The following HUNK variants were observed in gnomAD, a reference collection of about 807,000 sequenced individuals.
The protein encoded by HUNK is hormonally up-regulated Neu-associated kinase, also known as hormonally up-regulated neu tumor-associated kinase.
HUNK carries 21 observed loss-of-function variants against 61.0 expected under a neutral mutation model. The observed-to-expected ratio is 0.34, with a 90% CI of 0.24 to 0.50. The LOEUF is 0.50. Among genes scored for constraint, HUNK ranks in the 20% least tolerant of loss-of-function variants. HUNK has a pLI of 0.98. For synonymous variants in HUNK, 371 were observed against 386.1 expected (o/e 0.96, Z 0.46); for missense variants, 772 against 945.7 (o/e 0.82, Z 2.41).
Position 31,999,208 on chromosome 21 carries a change from ATC to A in HUNK, c.*28_*29del. On this transcript the variant is annotated 3_prime_UTR_variant, in exon 11 of 11. Transcript: ENST00000270112. ...AACTTGGGCCAGCGGGGTTTGGGGT[ATC>A]TCTAGAAAACAGCAACTGAACAGAG... The A allele has an allele frequency of 2.5e-6, 4 of 1,569,208 alleles. No individual in the cohort carries two copies. The highest frequency in any genetic ancestry group is 2.6e-6 in the Non-Finnish European group (3 of 1,158,494).
chr21:31,874,640 C>A (rs1032200838), intron 1 of HUNK, among the ~76,000 whole-genome samples: 3 of 149,476 alleles, frequency 2.0e-5, no homozygotes, highest in African/African-American at 7.3e-5. Flanking sequence ...CCCCTTCTCT[C>A]CGTTCCCCCA....
Position 31,924,792 on chromosome 21 carries a change from C to T in HUNK, c.554+32C>T. 7.7e-6 allele frequency: 12 copies of T among 1,555,322 alleles called. No homozygotes were observed. Among genetic ancestry groups the T allele is most frequent in the Non-Finnish European group, 1.0e-5 (12 of 1,151,578 alleles). On this transcript the variant is annotated intron_variant, in intron 2 of 10. Transcript: ENST00000270112. This position sits in a 1 kb window ranked among gnomAD's most constrained non-coding sequence, Gnocchi z 5.1. ...GCCAGGCCACGCTGGTGATCGCTGACTGTGTGCTCCGTGGGTGGCACTGGG... is the reference window on the plus strand; with the variant it reads ...GCCAGGCCACGCTGGTGATCGCTGATTGTGTGCTCCGTGGGTGGCACTGGG...
At chr21:31,990,100 G>A (rs767655988) in intron 8 of HUNK, 29 bp from the exon 9 acceptor site, 7 of 1,608,506 alleles carry the variant, frequency 4.4e-6, no homozygotes, top group East Asian at 4.5e-5. Flanking sequence ...GCAGATTCTC[G>A]AATTGTTGAA....
At chr21:31,951,635 A>G (rs1326587972) in intron 4 of HUNK, among the ~76,000 whole-genome samples, 1 of 152,076 alleles carries the variant, frequency 6.6e-6, no homozygotes, top group African/African-American at 2.4e-5. Context: ...AGCTCAGTGA[A>G]TCTGTTTTCA....
chr21:31,982,451 A>G (rs2032084), intron 7 of HUNK, among the ~76,000 whole-genome samples: 46,049 of 152,074 alleles, frequency 0.3, 7,516 homozygotes, highest in East Asian at 0.46. Context: ...CACCCCGTGT[A>G]TAATTTTGAA....
At position 32,000,863 on chromosome 21, in the gene HUNK, C is replaced by T. The variant is rs1201375024; in HGVS notation, c.*1679C>T. ...TGGTGAGACCTGGAGCTGCCTGTTT[C>T]TTCCCTAGGGGATCACCACGGCTCT... On this transcript the variant is annotated 3_prime_UTR_variant, in exon 11 of 11. Transcript: ENST00000270112. 2.5e-6 allele frequency: 1 copy of T among 397,692 alleles called. No individual in the cohort carries two copies. The highest frequency in any genetic ancestry group is 4.4e-6 in the Non-Finnish European group (1 of 226,078). 24.6% of individuals were successfully genotyped at this position (397,692 alleles called of 1,614,324 possible).
At chr21:31,985,631 G>A (rs556149538) in intron 8 of HUNK, among the ~76,000 whole-genome samples, 5 of 152,316 alleles carry the variant, frequency 3.3e-5, no homozygotes, top group Admixed American at 2.0e-4. Flanking sequence ...GGCAGGGGGC[G>A]GGGCAGCCAG....
At chr21:31,919,578 G>C (rs11910019) in intron 1 of HUNK, among the ~76,000 whole-genome samples, 2,276 of 152,214 alleles carry the variant, frequency 0.015, 52 homozygotes, top group African/African-American at 0.052. Flanking sequence ...CTGCAGTGTA[G>C]ACACTTGCTA....
intron 7 of HUNK, among the ~76,000 whole-genome samples, chr21:31,981,837 T>TTTTA (rs71320223): frequency 0.14 from 20,948 of 151,968 alleles, 1,588 homozygotes; most frequent in Non-Finnish European, 0.18. Context: ...TTTTGATCCC[T>TTTTA]TTTATTTATT....
chr21:31,992,767 C>A (rs2053180099), intron 9 of HUNK, among the ~76,000 whole-genome samples: 1 of 152,198 alleles, frequency 6.6e-6, no homozygotes, highest in South Asian at 2.1e-4. Context: ...AGAAAACAGG[C>A]CATGCAAATG....
At chr21:31,968,787 G>T (rs2052988484) in intron 6 of HUNK, among the ~76,000 whole-genome samples, 1 of 145,946 alleles carries the variant, frequency 6.9e-6, no homozygotes. Flanking sequence ...TGTCTGCTTG[G>T]GTCTCCATGT....
At chr21:31,933,644 G>T (rs1293636462) in intron 2 of HUNK, among the ~76,000 whole-genome samples, 1 of 152,064 alleles carries the variant, frequency 6.6e-6, no homozygotes, top group African/African-American at 2.4e-5. Context: ...AATTAGCTGG[G>T]TGTGATGGTG....
chr21:31,897,445 T>C (rs2052432675), intron 1 of HUNK, among the ~76,000 whole-genome samples: 1 of 152,190 alleles, frequency 6.6e-6, no homozygotes, highest in Non-Finnish European at 1.5e-5. Flanking sequence ...TTGAAGGGCA[T>C]CCTCCCTCTG....
chr21:31,988,877 C>G (rs761160974), intron 8 of HUNK, among the ~76,000 whole-genome samples: 8 of 151,052 alleles, frequency 5.3e-5, no homozygotes, highest in Non-Finnish European at 1.2e-4. Flanking sequence ...CCAGACCAAG[C>G]TGGAGTGCAG....
intron 2 of HUNK, among the ~76,000 whole-genome samples, chr21:31,928,092 C>T (rs2052673269): frequency 6.6e-6 from 1 of 152,194 alleles, no homozygotes; most frequent in Non-Finnish European, 1.5e-5. Flanking sequence ...GTAAGTGTGC[C>T]TGGCTCTGTC....
At chr21:31,934,438 G>A (rs1171838870) in intron 2 of HUNK, among the ~76,000 whole-genome samples, 43 of 103,372 alleles carry the variant, frequency 4.2e-4, no homozygotes, top group South Asian at 3.6e-4. Flanking sequence ...GTGAGACTCT[G>A]CCTCAAAAAA....
intron 2 of HUNK, among the ~76,000 whole-genome samples, chr21:31,927,115 A>G (rs925481037): frequency 6.6e-6 from 1 of 151,550 alleles, no homozygotes; most frequent in Non-Finnish European, 1.5e-5. Flanking sequence ...ATCTCGGCTC[A>G]CTGCAACTTC....
At position 31,924,936 on chromosome 21, in the gene HUNK, GC is replaced by G. The variant is rs2052649979; in HGVS notation, c.554+179del. Among the ~76,000 whole-genome samples the G allele has an allele frequency of 6.6e-6, 1 of 152,102 alleles. No homozygotes were observed. Among genetic ancestry groups the G allele is most frequent in the Non-Finnish European group, 1.5e-5 (1 of 68,020 alleles). Reference sequence around the variant, plus strand: ...TTTGAGACGGAGTTTTGTTCTTGTTGCCCAGGCTGGAGTGCAATGGCGCAGT... The same window carrying G: ...TTTGAGACGGAGTTTTGTTCTTGTTGCCAGGCTGGAGTGCAATGGCGCAGT... On this transcript the variant is annotated intron_variant, in intron 2 of 10. Coordinates refer to ENST00000270112, the MANE Select transcript of HUNK (RefSeq NM_014586.2). This position sits in a 1 kb window ranked among gnomAD's most constrained non-coding sequence, Gnocchi z 5.1.
intron 2 of HUNK, among the ~76,000 whole-genome samples, chr21:31,933,262 C>T (rs1368473146): frequency 2.0e-5 from 3 of 152,160 alleles, no homozygotes; most frequent in Non-Finnish European, 4.4e-5. Context: ...GTTGCTTCTC[C>T]TAGCTCCTCT....
Sources: allele counts gnomAD v4.1 joint callset (sites outside exome capture counted in the v4.1 genomes callset), GRCh38; gene constraint gnomAD v4.1.1; non-coding constraint Gnocchi (gnomAD v3.1); transcripts MANE v1.5; gene names NCBI Gene and HGNC (gene_info 2026-07-23, HGNC 2026-07-21).